Variants in PCCA observed in about 807,000 individuals in gnomAD.
The protein encoded by PCCA is propionyl-CoA carboxylase subunit alpha.
PCCA carries 74 observed loss-of-function variants against 101.3 expected under a neutral mutation model. The observed-to-expected ratio is 0.73, with a 90% CI of 0.61 to 0.89. The LOEUF is 0.89. Among genes scored for constraint, PCCA ranks in the 40% least tolerant of loss-of-function variants. PCCA has a pLI of 0.00. For synonymous variants in PCCA, 294 were observed against 313.6 expected, an observed-to-expected ratio of 0.94 and a Z score of 0.66; for missense variants, 891 against 907.0, an observed-to-expected ratio of 0.98 and a Z score of 0.23.
intron 4 of PCCA, among the ~76,000 whole-genome samples, chr13:100,141,530 C>A (rs1410639247): frequency 6.6e-6 from 1 of 152,166 alleles, no homozygotes; most frequent in African/African-American, 2.4e-5. Flanking sequence ...TATGCCTCAG[C>A]CTCCCGAGTA....
intron 16 of PCCA, among the ~76,000 whole-genome samples, chr13:100,316,613 A>G (rs2067374257): frequency 6.6e-6 from 1 of 152,180 alleles, no homozygotes. Context: ...ATTGTCATTA[A>G]CTATTTCTGA....
At chr13:100,303,613 G>GT (rs2066232347) in intron 14 of PCCA, among the ~76,000 whole-genome samples, 1 of 148,528 alleles carries the variant, frequency 6.7e-6, no homozygotes, top group Non-Finnish European at 1.5e-5. Context: ...AAGGTAATAA[G>GT]TGCATATATA....
intron 6 of PCCA, among the ~76,000 whole-genome samples, chr13:100,189,470 T>G (rs1174350382): frequency 6.6e-6 from 1 of 152,246 alleles, no homozygotes; most frequent in African/African-American, 2.4e-5. Context: ...CTGATTTGTT[T>G]GAGTTCGTTG....
At chr13:100,417,902 G>T (rs751075490) in intron 19 of PCCA, among the ~76,000 whole-genome samples, 3 of 152,008 alleles carry the variant, frequency 2.0e-5, no homozygotes, top group Admixed American at 2.0e-4. Context: ...CGACTGCTCC[G>T]CTCTTTCTTG....
chr13:100,134,078 T>C (rs1194703778), intron 4 of PCCA, among the ~76,000 whole-genome samples: 1 of 152,184 alleles, frequency 6.6e-6, no homozygotes, highest in East Asian at 1.9e-4. Flanking sequence ...GATGGCCTGT[T>C]GTGGTACTTC....
intron 19 of PCCA, among the ~76,000 whole-genome samples, chr13:100,389,631 A>G (rs892944923): frequency 1.3e-5 from 2 of 151,778 alleles, no homozygotes; most frequent in African/African-American, 4.9e-5. Flanking sequence ...ATAGAAGTTA[A>G]AGAAAAGAAA....
intron 18 of PCCA, among the ~76,000 whole-genome samples, chr13:100,359,638 G>C (rs776312201): frequency 1.3e-5 from 2 of 152,132 alleles, no homozygotes; most frequent in Non-Finnish European, 2.9e-5. Context: ...AAGAAATAAC[G>C]GAGCCTAATG....
chr13:100,444,287 C>G (rs962111699), intron 20 of PCCA, among the ~76,000 whole-genome samples: 1 of 151,360 alleles, frequency 6.6e-6, no homozygotes, highest in African/African-American at 2.4e-5. Context: ...TCACTGCAAC[C>G]TCCACCTCCC....
intron 16 of PCCA, among the ~76,000 whole-genome samples, chr13:100,327,845 GT>G (rs1333990092): frequency 2.0e-5 from 3 of 152,066 alleles, no homozygotes; most frequent in Non-Finnish European, 2.9e-5. Flanking sequence ...TTTTGACTGT[GT>G]TTTTTTACTT....
intron 7 of PCCA, among the ~76,000 whole-genome samples, chr13:100,231,253 C>T (rs974351352): frequency 4.7e-4 from 71 of 152,138 alleles, no homozygotes; most frequent in African/African-American, 1.5e-3. Flanking sequence ...TGTTCCGTCC[C>T]GTGTCTTCAG....
chr13:100,306,154 C>T (rs776817566), intron 14 of PCCA, among the ~76,000 whole-genome samples: 2 of 152,150 alleles, frequency 1.3e-5, no homozygotes, highest in South Asian at 2.1e-4. Flanking sequence ...GCCTAACAGC[C>T]GCTGTGTTGA....
intron 18 of PCCA, among the ~76,000 whole-genome samples, chr13:100,350,634 C>T (rs896516301): frequency 3.9e-5 from 6 of 152,172 alleles, no homozygotes; most frequent in African/African-American, 1.4e-4. Context: ...CTTACTATTA[C>T]ATTGTAAAAT....
intron 6 of PCCA, chr13:100,160,985 A>C (rs1397751179): frequency 6.6e-6 from 1 of 152,218 alleles, no homozygotes; most frequent in African/African-American, 2.4e-5. Flanking sequence ...GTGTACTTGA[A>C]AGATACACGT....
intron 8 of PCCA, among the ~76,000 whole-genome samples, chr13:100,251,399 T>G (rs1204897629): frequency 6.6e-6 from 1 of 152,216 alleles, no homozygotes; most frequent in Non-Finnish European, 1.5e-5. Context: ...ATTACAGCAG[T>G]AAAAATAATG....
At chr13:100,303,851 G>A (rs770319729) in intron 14 of PCCA, among the ~76,000 whole-genome samples, 1 of 152,124 alleles carries the variant, frequency 6.6e-6, no homozygotes, top group Non-Finnish European at 1.5e-5. Flanking sequence ...ACTCCATGCT[G>A]TGTTCAAAGC....
chr13:100,255,645 A>G (rs937556780), intron 8 of PCCA, among the ~76,000 whole-genome samples: 1 of 152,122 alleles, frequency 6.6e-6, no homozygotes, highest in African/African-American at 2.4e-5. Context: ...ACCAGTTTCA[A>G]ATTTTTAGAT....
At chr13:100,209,098 C>G (rs1425394964) in intron 6 of PCCA, among the ~76,000 whole-genome samples, 1 of 152,088 alleles carries the variant, frequency 6.6e-6, no homozygotes. Flanking sequence ...CACTGTTTAC[C>G]CAGAAGGAGT....
intron 4 of PCCA, among the ~76,000 whole-genome samples, chr13:100,148,757 ATTAGTTCCC>A (rs2052913915): frequency 6.6e-6 from 1 of 152,242 alleles, no homozygotes; most frequent in Admixed American, 6.5e-5. Context: ...TCGATTCAGT[ATTAGTTCCC>A]TTTTGTGAAA....
At chr13:100,248,426 A>G (rs1173197602) in intron 8 of PCCA, among the ~76,000 whole-genome samples, 1 of 152,132 alleles carries the variant, frequency 6.6e-6, no homozygotes, top group African/African-American at 2.4e-5. Flanking sequence ...ACTTGGAGAC[A>G]TTCCTTCAGG....
Sources: allele counts gnomAD v4.1 joint callset (sites outside exome capture counted in the v4.1 genomes callset), GRCh38; gene constraint gnomAD v4.1.1; transcripts MANE v1.5; gene names NCBI Gene and HGNC (gene_info 2026-07-23, HGNC 2026-07-21).